The following IQCM variants were observed in gnomAD, a reference collection of about 807,000 sequenced individuals.
The protein encoded by IQCM is IQ motif containing M, also known as IQ domain-containing protein M.
In IQCM, 45 loss-of-function variants were observed where a neutral mutation model predicts 57.6. The observed-to-expected ratio is 0.78, with a 90% CI of 0.62 to 1.00. IQCM has a LOEUF of 1.00. Ranked by LOEUF, IQCM falls within the 50% of genes least tolerant of loss-of-function variation. The pLI is 0.00. For synonymous variants in IQCM, 148 were observed against 158.9 expected (o/e 0.93, Z 0.51); for missense variants, 468 against 511.6 (o/e 0.91, Z 0.82).
intron 2 of IQCM, among the ~76,000 whole-genome samples, chr4:149,781,319 T>G (rs1771582025): frequency 6.6e-6 from 1 of 152,154 alleles, no homozygotes; most frequent in Non-Finnish European, 1.5e-5. Context: ...AGTTTTAAAT[T>G]GCATGCTGTT....
rs573595885 is a variant in IQCM at position 149,697,293 on chromosome 4, G to A, written c.386-10825C>T. ...TCCTCCTCAGGGCTGATTTGTACCC[G>A]TATTCAAGAGTTGATTGTTGTGCTG... On this transcript the variant is annotated intron_variant, in intron 5 of 13. Transcript: ENST00000636793. Among the ~76,000 whole-genome samples the A allele has an allele frequency of 2.9e-4, 44 of 152,030 alleles. 2 individuals are homozygous for A. The South Asian group carries it at 6.8e-3, about 24-fold the overall frequency.
At chr4:149,716,591 G>A (rs917191272) in intron 5 of IQCM, among the ~76,000 whole-genome samples, 5 of 152,180 alleles carry the variant, frequency 3.3e-5, no homozygotes, top group Admixed American at 2.6e-4. Context: ...CATGGAGCAC[G>A]TTGCCCCAGC....
At chr4:149,364,707 T>C (rs149101761) in intron 13 of IQCM, among the ~76,000 whole-genome samples, 3 of 151,954 alleles carry the variant, frequency 2.0e-5, no homozygotes, top group Non-Finnish European at 4.4e-5. Flanking sequence ...AATAAGAACA[T>C]CATAAAAAGT....
At chr4:149,420,142 G>A (rs988025768) in intron 13 of IQCM, among the ~76,000 whole-genome samples, 9 of 152,050 alleles carry the variant, frequency 5.9e-5, no homozygotes, top group African/African-American at 2.2e-4. Flanking sequence ...CCATTACTGA[G>A]TATATACCCA....
At chr4:149,715,987 C>T (rs1277401400) in intron 5 of IQCM, among the ~76,000 whole-genome samples, 1 of 152,154 alleles carries the variant, frequency 6.6e-6, no homozygotes, top group Non-Finnish European at 1.5e-5. Context: ...CATGGGCGGA[C>T]CCAGAAAAAG....
intron 13 of IQCM, among the ~76,000 whole-genome samples, chr4:149,375,775 C>T (rs1730665815): frequency 6.6e-6 from 1 of 152,050 alleles, no homozygotes; most frequent in South Asian, 2.1e-4. Context: ...ATGAAATTTT[C>T]TCAGAAAACA....
intron 2 of IQCM, chr4:149,780,248 CTG>C (rs1771479068): frequency 6.6e-6 from 1 of 152,090 alleles, no homozygotes; most frequent in South Asian, 2.1e-4. Flanking sequence ...CAAATAAATA[CTG>C]TCCAACTTTT....
At chr4:149,431,017 A>G (rs998459105) in intron 13 of IQCM, among the ~76,000 whole-genome samples, 2 of 151,862 alleles carry the variant, frequency 1.3e-5, no homozygotes, top group Non-Finnish European at 2.9e-5. Flanking sequence ...CCTGGCCAAC[A>G]TGGTAAAACC....
chr4:149,354,363 C>CAAAAAAA (rs70965178), intron 13 of IQCM, among the ~76,000 whole-genome samples: 564 of 20,092 alleles, frequency 0.028, 74 homozygotes, highest in Non-Finnish European at 0.038. Context: ...GACTCCGTCT[C>CAAAAAAA]AAAAAAAAAA....
At chr4:149,791,167 T>C (rs186366714) in intron 2 of IQCM, among the ~76,000 whole-genome samples, 1 of 152,300 alleles carries the variant, frequency 6.6e-6, no homozygotes, top group East Asian at 1.9e-4. Flanking sequence ...ATGCTTCATA[T>C]TTCATTAACA....
rs369611190 is a variant in IQCM at position 149,672,208 on chromosome 4, C to T, written c.565+9910G>A. ...AGGCTGAAAATTCTAAAAATCAGAG[C>T]GGCTCTTCTCCTCCAAGGAAACGCA... On this transcript the variant is annotated intron_variant, in intron 7 of 13. Transcript: ENST00000636793. Among the ~76,000 whole-genome samples the T allele has an allele frequency of 4.8e-4, 73 of 152,260 alleles. 1 individual carries two copies. The East Asian group carries it at 0.013, about 27-fold the overall frequency.
intron 9 of IQCM, among the ~76,000 whole-genome samples, chr4:149,586,029 T>A (rs1342623593): frequency 2.6e-5 from 4 of 151,754 alleles, no homozygotes; most frequent in Middle Eastern, 3.4e-3. Context: ...ATAATAAACA[T>A]TCATCGTGGA....
intron 2 of IQCM, among the ~76,000 whole-genome samples, chr4:149,750,936 AT>A (rs1768379642): frequency 1.3e-5 from 2 of 152,200 alleles, no homozygotes; most frequent in Admixed American, 1.3e-4. Context: ...ATTTGAGCAA[AT>A]CATGAAATAT....
chr4:149,664,901 T>G (rs916502139), intron 7 of IQCM, among the ~76,000 whole-genome samples: 1 of 152,224 alleles, frequency 6.6e-6, no homozygotes, highest in Non-Finnish European at 1.5e-5. Flanking sequence ...GCTATGCCAG[T>G]GTGCACAGGC....
intron 3 of IQCM, among the ~76,000 whole-genome samples, chr4:149,737,002 A>G (rs1350868778): frequency 6.6e-6 from 1 of 152,342 alleles, no homozygotes; most frequent in East Asian, 1.9e-4. Flanking sequence ...CTACTTAGCA[A>G]TAAAAAGAGG....
At chr4:149,560,363 C>G (rs987263571) in intron 10 of IQCM, among the ~76,000 whole-genome samples, 2 of 152,086 alleles carry the variant, frequency 1.3e-5, no homozygotes, top group Non-Finnish European at 2.9e-5. Context: ...ATTATTGTAG[C>G]TATCAACCAT....
At chr4:149,509,478 A>G (rs1215040027) in intron 12 of IQCM, among the ~76,000 whole-genome samples, 1 of 151,788 alleles carries the variant, frequency 6.6e-6, no homozygotes, top group Admixed American at 6.6e-5. Context: ...GGGTCTTGCT[A>G]TCTTGCCCAA....
intron 6 of IQCM, among the ~76,000 whole-genome samples, chr4:149,685,941 T>C (rs931739542): frequency 1.3e-5 from 2 of 151,548 alleles, no homozygotes; most frequent in Non-Finnish European, 3.0e-5. Flanking sequence ...GTGTTCAAAC[T>C]ATGTTCTGTA....
At chr4:149,661,094 T>G (rs558579563) in intron 7 of IQCM, among the ~76,000 whole-genome samples, 1 of 152,162 alleles carries the variant, frequency 6.6e-6, no homozygotes, top group Non-Finnish European at 1.5e-5. Context: ...GCGGTGTGTT[T>G]GTCATAGATG....
Sources: allele counts gnomAD v4.1 joint callset (sites outside exome capture counted in the v4.1 genomes callset), GRCh38; gene constraint gnomAD v4.1.1; transcripts MANE v1.5; gene names NCBI Gene and HGNC (gene_info 2026-07-23, HGNC 2026-07-21).